Variants in SLC4A4 observed in about 807,000 individuals in gnomAD.
SLC4A4 encodes solute carrier family 4 member 4.
SLC4A4 carries 27 observed loss-of-function variants against 111.5 expected under a neutral mutation model. The observed-to-expected ratio is 0.24, with a 90% confidence interval of 0.18 to 0.33. The LOEUF (loss-of-function observed/expected upper bound fraction) is 0.33, where lower values mean the gene tolerates loss of function less well. Ranked by LOEUF, SLC4A4 falls within the 10% of genes least tolerant of loss-of-function variation. SLC4A4 has a pLI of 1.00. For synonymous variants in SLC4A4, 443 were observed against 463.4 expected, an observed-to-expected ratio of 0.96 and a Z score of 0.57; for missense variants, 909 against 1,315.5, an observed-to-expected ratio of 0.69 and a Z score of 4.78.
chr4:71,527,176 A>ACACTGGGTGCTATGTTAATAGTG (rs1167146908), intron 16 of SLC4A4, among the ~76,000 whole-genome samples: 1 of 152,090 alleles, frequency 6.6e-6, no homozygotes, highest in East Asian at 1.9e-4. Flanking sequence ...TAAGATGAGT[A>ACACTGGGTGCTATGTTAATAGTG]CACTGGGTGC....
intron 6 of SLC4A4, among the ~76,000 whole-genome samples, chr4:71,389,638 G>T (rs1467469452): frequency 6.6e-6 from 1 of 152,156 alleles, no homozygotes; most frequent in Non-Finnish European, 1.5e-5. Flanking sequence ...TTACTCTAAG[G>T]CTGTCCAAGT....
At chr4:71,566,180 G>T (rs895046960) in intron 24 of SLC4A4, among the ~76,000 whole-genome samples, 1 of 151,792 alleles carries the variant, frequency 6.6e-6, no homozygotes, top group Non-Finnish European at 1.5e-5. Context: ...ACTTGTAACC[G>T]AGGCTAATTT....
chr4:71,084,828 A>T (rs1296599205), intron 1 of SLC4A4, among the ~76,000 whole-genome samples: 1 of 152,004 alleles, frequency 6.6e-6, no homozygotes, highest in East Asian at 1.9e-4. Context: ...GGTTGGTTCC[A>T]AGTCTTTGCT....
intron 1 of SLC4A4, among the ~76,000 whole-genome samples, chr4:71,081,176 A>G (rs1355758261): frequency 2.0e-5 from 3 of 152,084 alleles, no homozygotes. Flanking sequence ...TCCCACCCTG[A>G]GAGTACAAAA....
At chr4:71,337,665 C>A (rs563824952) in intron 3 of SLC4A4, among the ~76,000 whole-genome samples, 6 of 152,190 alleles carry the variant, frequency 3.9e-5, no homozygotes, top group African/African-American at 1.2e-4. Context: ...ATTTTCATGT[C>A]CCACCAGAAA....
chr4:71,429,634 T>G (rs1054090699), intron 7 of SLC4A4, among the ~76,000 whole-genome samples: 1 of 152,138 alleles, frequency 6.6e-6, no homozygotes, highest in Non-Finnish European at 1.5e-5. Flanking sequence ...TGAATAATTG[T>G]AGTACCACAA....
intron 8 of SLC4A4, among the ~76,000 whole-genome samples, chr4:71,442,116 C>G (rs1026222115): frequency 6.6e-6 from 1 of 152,108 alleles, no homozygotes; most frequent in Non-Finnish European, 1.5e-5. Context: ...GAAAATTGCT[C>G]TTGGCTTTTC....
chr4:71,242,046 C>T (rs956197239), intron 2 of SLC4A4, among the ~76,000 whole-genome samples: 2 of 152,128 alleles, frequency 1.3e-5, no homozygotes, highest in Admixed American at 6.5e-5. Flanking sequence ...ATGATAGTTC[C>T]GTGTGTTTTT....
intron 2 of SLC4A4, among the ~76,000 whole-genome samples, chr4:71,241,840 A>G (rs1027089547): frequency 1.3e-5 from 2 of 152,210 alleles, no homozygotes; most frequent in Non-Finnish European, 2.9e-5. Flanking sequence ...GAATAGTAAC[A>G]TAGGTTTCCC....
chr4:71,461,268 A>G (rs1202704451), intron 12 of SLC4A4, among the ~76,000 whole-genome samples: 1 of 151,938 alleles, frequency 6.6e-6, no homozygotes, highest in Non-Finnish European at 1.5e-5. Context: ...TATCTTCCAT[A>G]CTTTAGTGGG....
chr4:71,160,191 C>T (rs892148255), intron 2 of SLC4A4, among the ~76,000 whole-genome samples: 7 of 145,228 alleles, frequency 4.8e-5, no homozygotes, highest in African/African-American at 1.8e-4. Flanking sequence ...AGGATTAAAA[C>T]CCATGTAGTC....
At chr4:71,267,814 A>G (rs988680514) in intron 3 of SLC4A4, among the ~76,000 whole-genome samples, 15 of 148,732 alleles carry the variant, frequency 1.0e-4, no homozygotes, top group African/African-American at 3.7e-4. Flanking sequence ...AAAAAAAAAA[A>G]AAAAGAAAAC....
intron 3 of SLC4A4, among the ~76,000 whole-genome samples, chr4:71,307,541 T>C (rs1475410026): frequency 6.6e-6 from 1 of 152,246 alleles, no homozygotes; most frequent in Non-Finnish European, 1.5e-5. Flanking sequence ...AATGGAAGTC[T>C]GTGATTTTTG....
At chr4:71,421,633 G>C (rs543986420) in intron 7 of SLC4A4, among the ~76,000 whole-genome samples, 1 of 152,086 alleles carries the variant, frequency 6.6e-6, no homozygotes, top group Non-Finnish European at 1.5e-5. Context: ...TATAACAAAC[G>C]ATCTCTCAGA....
intron 7 of SLC4A4, among the ~76,000 whole-genome samples, chr4:71,400,091 G>A (rs1238203153): frequency 6.6e-6 from 1 of 152,186 alleles, no homozygotes; most frequent in African/African-American, 2.4e-5. Context: ...ACTGGTTAAG[G>A]CAGTGTACTA....
At chr4:71,526,050 G>A (rs377548690) in intron 16 of SLC4A4, among the ~76,000 whole-genome samples, 62 of 151,926 alleles carry the variant, frequency 4.1e-4, no homozygotes, top group African/African-American at 1.4e-3. Flanking sequence ...GACATTTTTA[G>A]GGCACTTTCT....
At chr4:71,546,902 A>G (rs549416513) in intron 19 of SLC4A4, among the ~76,000 whole-genome samples, 91 of 152,090 alleles carry the variant, frequency 6.0e-4, no homozygotes, top group African/African-American at 1.9e-3. Flanking sequence ...TGGGAAAGGT[A>G]TTCTTATTTT....
intron 15 of SLC4A4, among the ~76,000 whole-genome samples, chr4:71,495,090 A>G (rs1197986172): frequency 4.6e-5 from 7 of 152,072 alleles, no homozygotes; most frequent in Admixed American, 1.3e-4. Context: ...TGGAGACTCA[A>G]GTTTCTGGAT....
At chr4:71,382,637 AG>A in intron 6 of SLC4A4, among the ~76,000 whole-genome samples, 1 of 152,294 alleles carries the variant, frequency 6.6e-6, no homozygotes, top group South Asian at 2.1e-4. Flanking sequence ...TGTCACTCAA[AG>A]TATGTAAATG....
Sources: gnomAD v4.1 joint callset for allele counts (sites outside exome capture counted in the v4.1 genomes callset) on GRCh38, gnomAD v4.1.1 for gene constraint, MANE v1.5 for transcripts, NCBI Gene and HGNC (gene_info 2026-07-23, HGNC 2026-07-21) for gene names.